The following KLF12 variants were observed in gnomAD, a reference collection of about 807,000 sequenced individuals.
The protein encoded by KLF12 is Krueppel-like factor 12.
In KLF12, 9 loss-of-function variants were observed where a neutral mutation model predicts 37.8. The observed-to-expected ratio is 0.24, with a 90% confidence interval of 0.14 to 0.42. KLF12 has a LOEUF of 0.42. Among genes scored for constraint, KLF12 ranks in the 10% least tolerant of loss-of-function variants. The pLI, the probability that KLF12 is intolerant of heterozygous loss-of-function variation, is 1.00. For missense variants in KLF12, 411 were observed against 516.0 expected (o/e 0.80, Z 1.97); for synonymous variants, 208 against 202.1 (o/e 1.03, Z -0.25).
chr13:73,933,570 T>C (rs7322045), intron 3 of KLF12, among the ~76,000 whole-genome samples: 2,540 of 152,290 alleles, frequency 0.017, 66 homozygotes, highest in African/African-American at 0.058. Flanking sequence ...TCACCTTTCA[T>C]ACGAAACTTC....
chr13:73,834,158 C>T (rs1284215105), intron 4 of KLF12, among the ~76,000 whole-genome samples: 2 of 152,100 alleles, frequency 1.3e-5, no homozygotes, highest in South Asian at 4.1e-4. Context: ...ACCACAACCT[C>T]TTTATTTTAG....
chr13:74,296,971 G>A, the KLF12 span, among the ~76,000 whole-genome samples: 2 of 152,186 alleles, frequency 1.3e-5, no homozygotes, highest in Non-Finnish European at 2.9e-5. Context: ...GAGCAGTTGT[G>A]ATCCCAAATA....
intron 7 of KLF12, 118 bp from the exon 8 acceptor site, chr13:73,695,789 T>C (rs1874103320): frequency 2.0e-6 from 2 of 978,170 alleles, no homozygotes. Context: ...TGGTAAATCT[T>C]TGTCGGGAAA....
At chr13:74,224,339 C>A in the KLF12 span, among the ~76,000 whole-genome samples, 1 of 152,174 alleles carries the variant, frequency 6.6e-6, no homozygotes, top group East Asian at 1.9e-4. Flanking sequence ...ATCCTCAGAT[C>A]CTCTATTCTA....
At chr13:73,997,243 C>T (rs115248670) in intron 1 of KLF12, among the ~76,000 whole-genome samples, 1 of 152,224 alleles carries the variant, frequency 6.6e-6, no homozygotes, top group African/African-American at 2.4e-5. Context: ...TCCCTAGTCT[C>T]ACCTCTATTA....
At chr13:73,897,835 T>C (rs1275754482) in intron 3 of KLF12, among the ~76,000 whole-genome samples, 1 of 152,216 alleles carries the variant, frequency 6.6e-6, no homozygotes, top group Admixed American at 6.5e-5. Flanking sequence ...AAAAAATGTT[T>C]TGGTTGTTCT....
At chr13:74,135,581 G>A (rs1353258979), upstream of KLF12, among the ~76,000 whole-genome samples, 1 of 151,406 alleles carries the variant, frequency 6.6e-6, no homozygotes, top group Admixed American at 6.6e-5. Context: ...GGAGCAGACG[G>A]GGCGGAAGCG....
At chr13:74,020,123 G>A (rs544151193) in intron 1 of KLF12, among the ~76,000 whole-genome samples, 66 of 152,250 alleles carry the variant, frequency 4.3e-4, no homozygotes, top group African/African-American at 1.5e-3. Context: ...ATTCACTAAC[G>A]TATCTTTTCA....
chr13:73,785,058 T>G (rs558395106), intron 5 of KLF12, among the ~76,000 whole-genome samples: 1 of 151,984 alleles, frequency 6.6e-6, no homozygotes, highest in Non-Finnish European at 1.5e-5. Flanking sequence ...CCAGAGAAAT[T>G]AGTCTTTTTT....
At chr13:74,266,757 G>A in the KLF12 span, among the ~76,000 whole-genome samples, 1 of 152,152 alleles carries the variant, frequency 6.6e-6, no homozygotes, top group Non-Finnish European at 1.5e-5. Context: ...GTAAATGATT[G>A]TACTTCTTAA....
intron 4 of KLF12, among the ~76,000 whole-genome samples, chr13:73,829,042 TC>T (rs1253246280): frequency 6.6e-6 from 1 of 152,118 alleles, no homozygotes; most frequent in Admixed American, 6.5e-5. Flanking sequence ...CTGCCCCTCT[TC>T]CTTTGCAATC....
At chr13:74,097,148 G>C (rs1371971054) in intron 1 of KLF12, among the ~76,000 whole-genome samples, 1 of 152,128 alleles carries the variant, frequency 6.6e-6, no homozygotes, top group Non-Finnish European at 1.5e-5. Context: ...TGTCTCTAAA[G>C]AATCTCCAAG....
upstream of KLF12, among the ~76,000 whole-genome samples, chr13:74,134,645 A>G (rs1241238668): frequency 6.6e-6 from 1 of 151,244 alleles, no homozygotes; most frequent in Non-Finnish European, 1.5e-5. Flanking sequence ...TGGCCCTGGG[A>G]GCTCGGGGAG....
chr13:74,046,994 G>GA (rs747197853), intron 1 of KLF12, among the ~76,000 whole-genome samples: 18 of 151,788 alleles, frequency 1.2e-4, no homozygotes, highest in East Asian at 1.2e-3. Context: ...TGAAAAACAG[G>GA]AAAAAAATCA....
At chr13:73,916,208 T>TACAC (rs67011700) in intron 3 of KLF12, among the ~76,000 whole-genome samples, 1,257 of 109,842 alleles carry the variant, frequency 0.011, 12 homozygotes, top group Middle Eastern at 0.064. Flanking sequence ...AGCTAATACT[T>TACAC]ACACACACAC....
chr13:74,271,712 A>T, the KLF12 span, among the ~76,000 whole-genome samples: 8,633 of 152,314 alleles, frequency 0.057, 819 homozygotes, highest in African/African-American at 0.19. Context: ...TGGCATAAAA[A>T]GGGATCAATT....
At chr13:74,038,205 G>A (rs1343172852) in intron 1 of KLF12, among the ~76,000 whole-genome samples, 1 of 152,178 alleles carries the variant, frequency 6.6e-6, no homozygotes, top group Non-Finnish European at 1.5e-5. Flanking sequence ...CTGGTAGGGA[G>A]GAGACAAGGA....
At chr13:73,706,538 C>T (rs1874958971) in intron 7 of KLF12, among the ~76,000 whole-genome samples, 1 of 152,172 alleles carries the variant, frequency 6.6e-6, no homozygotes, top group Non-Finnish European at 1.5e-5. Flanking sequence ...GACTCTCTTC[C>T]CCATTGATGA....
chr13:74,224,790 A>G, the KLF12 span, among the ~76,000 whole-genome samples: 37 of 152,296 alleles, frequency 2.4e-4, no homozygotes, highest in Middle Eastern at 3.4e-3. Context: ...TATAAGATGG[A>G]TATTGTTGTA....
Sources: allele counts gnomAD v4.1 joint callset (sites outside exome capture counted in the v4.1 genomes callset), GRCh38; gene constraint gnomAD v4.1.1; transcripts MANE v1.5; gene names NCBI Gene and HGNC (gene_info 2026-07-23, HGNC 2026-07-21).